The following GLCE variants were observed in gnomAD, a reference collection of about 807,000 sequenced individuals.
GLCE encodes D-glucuronyl C5-epimerase.
GLCE carries 19 observed loss-of-function variants against 47.9 expected under a neutral mutation model. That is an observed-to-expected ratio of 0.40 (90% CI 0.28 to 0.58). GLCE has a LOEUF of 0.58. Ranked by LOEUF, GLCE falls within the 20% of genes least tolerant of loss-of-function variation. GLCE has a pLI of 0.48. For missense variants in GLCE, 556 were observed against 743.3 expected (o/e 0.75, Z 2.93); for synonymous variants, 245 against 263.4 (o/e 0.93, Z 0.68).
At position 69,267,843 on chromosome 15, in the gene GLCE, CT is replaced by C. The variant is rs34922164; in HGVS notation, c.830-363del. 3.0e-3 allele frequency among the ~76,000 whole-genome samples: 421 copies of C among 140,518 alleles called. 8 individuals are homozygous for C. The highest frequency in any genetic ancestry group is 0.01 in the African/African-American group (394 of 37,898). 92.2% of individuals were successfully genotyped at this position (140,518 alleles called of 152,430 possible). A position where few individuals can be genotyped will look rare whatever the true frequency, so the allele number is the denominator to read the frequency against. On this transcript the variant is annotated intron_variant, in intron 4 of 4. Coordinates refer to ENST00000261858, the MANE Select transcript of GLCE (RefSeq NM_015554.3). Reference sequence around the variant, plus strand: ...TATTATGTGCTGAGCCAGGTTTTGGCTTTTTTTTTTTTTTCTGTTTGCAGAA... The same window carrying C: ...TATTATGTGCTGAGCCAGGTTTTGGCTTTTTTTTTTTTTCTGTTTGCAGAA...
chr15:69,243,057 C>CAAAAAA (rs547412078), intron 2 of GLCE, among the ~76,000 whole-genome samples: 2 of 42,314 alleles, frequency 4.7e-5, no homozygotes, highest in African/African-American at 7.6e-5. Flanking sequence ...AGATCCTGTC[C>CAAAAAA]AAAAAAAAAA....
chr15:69,170,171 C>G (rs2051568911), intron 1 of GLCE, among the ~76,000 whole-genome samples: 1 of 151,960 alleles, frequency 6.6e-6, no homozygotes, highest in Admixed American at 6.5e-5. Context: ...AAAACATTTG[C>G]AATTTGATAA....
intron 4 of GLCE, among the ~76,000 whole-genome samples, chr15:69,262,892 G>T (rs2053034137): frequency 6.6e-6 from 1 of 152,048 alleles, no homozygotes; most frequent in Non-Finnish European, 1.5e-5. Flanking sequence ...GAAATGCTTG[G>T]GACTAGAAGT....
intron 2 of GLCE, among the ~76,000 whole-genome samples, chr15:69,252,904 T>C (rs1370818931): frequency 1.3e-5 from 2 of 152,212 alleles, no homozygotes; most frequent in Non-Finnish European, 2.9e-5. Context: ...ATAATGCAGA[T>C]GATGAATTAT....
At chr15:69,223,861 T>G (rs1008542757) in intron 2 of GLCE, among the ~76,000 whole-genome samples, 1 of 152,186 alleles carries the variant, frequency 6.6e-6, no homozygotes, top group Non-Finnish European at 1.5e-5. Context: ...TGAATCTATA[T>G]AGTGAATTTT....
chr15:69,226,047 GACAC>G (rs36218660), intron 2 of GLCE, among the ~76,000 whole-genome samples: 5,000 of 59,552 alleles, frequency 0.084, 289 homozygotes, highest in African/African-American at 0.18. Flanking sequence ...CGCATGCACA[GACAC>G]ACACACACAC....
chr15:69,223,672 T>C (rs2052407114), intron 2 of GLCE, among the ~76,000 whole-genome samples: 1 of 152,184 alleles, frequency 6.6e-6, no homozygotes, highest in Non-Finnish European at 1.5e-5. Context: ...CCTCTTTCTC[T>C]TTTCTCCTCC....
chr15:69,222,171 G>A (rs929889021), intron 2 of GLCE, among the ~76,000 whole-genome samples: 4 of 152,174 alleles, frequency 2.6e-5, no homozygotes, highest in Non-Finnish European at 5.9e-5. Context: ...CTGATTCCTC[G>A]AAGCTGAGCC....
chr15:69,199,608 C>A (rs553530558), intron 1 of GLCE, among the ~76,000 whole-genome samples: 1 of 152,258 alleles, frequency 6.6e-6, no homozygotes, highest in African/African-American at 2.4e-5. Context: ...CTTGTCCAAT[C>A]CTATATTTTT....
intron 2 of GLCE, among the ~76,000 whole-genome samples, chr15:69,218,312 C>A (rs896502743): frequency 2.0e-5 from 3 of 151,870 alleles, no homozygotes; most frequent in African/African-American, 7.3e-5. Flanking sequence ...GAGTTCAAGA[C>A]CAGCCTGGGC....
At chr15:69,253,988 G>C (rs1323125796) in intron 2 of GLCE, among the ~76,000 whole-genome samples, 1 of 152,198 alleles carries the variant, frequency 6.6e-6, no homozygotes, top group Non-Finnish European at 1.5e-5. Flanking sequence ...AGGGTGCAAA[G>C]TTTGCCTTCC....
intron 2 of GLCE, among the ~76,000 whole-genome samples, chr15:69,216,915 G>A (rs762519064): frequency 2.0e-5 from 3 of 152,116 alleles, no homozygotes; most frequent in South Asian, 2.1e-4. Context: ...AAAGCCAAAC[G>A]AAACAATGTT....
chr15:69,242,061 A>G (rs966988064), intron 2 of GLCE, among the ~76,000 whole-genome samples: 7 of 152,206 alleles, frequency 4.6e-5, no homozygotes, highest in African/African-American at 1.4e-4. Context: ...TGTTGCAGAA[A>G]TTAAATGAAG....
intron 2 of GLCE, among the ~76,000 whole-genome samples, chr15:69,236,455 G>T (rs914780126): frequency 2.6e-5 from 4 of 152,084 alleles, no homozygotes; most frequent in Non-Finnish European, 5.9e-5. Flanking sequence ...TTAGCATGTA[G>T]TAGTAGTAGT....
intron 4 of GLCE, among the ~76,000 whole-genome samples, chr15:69,267,908 G>A (rs1199159007): frequency 1.4e-5 from 2 of 145,984 alleles, no homozygotes; most frequent in Non-Finnish European, 3.0e-5. Flanking sequence ...TGATCAGCTA[G>A]TACTAGATTT....
chr15:69,244,249 A>G (rs2052716731), intron 2 of GLCE, among the ~76,000 whole-genome samples: 1 of 152,226 alleles, frequency 6.6e-6, no homozygotes, highest in African/African-American at 2.4e-5. Context: ...AATAAAATAC[A>G]TAACATTCAC....
intron 2 of GLCE, 73 bp from the exon 3 acceptor site, chr15:69,255,720 AG>A: frequency 5.8e-6 from 5 of 865,810 alleles, no homozygotes; most frequent in Admixed American, 2.6e-5. Context: ...AAAAAAAAAA[AG>A]CAAAGAAAAC....
intron 2 of GLCE, among the ~76,000 whole-genome samples, chr15:69,248,876 A>T (rs1415455312): frequency 6.6e-6 from 1 of 152,280 alleles, no homozygotes; most frequent in East Asian, 1.9e-4. Flanking sequence ...AAGTGCTGGG[A>T]TTACAGGCAT....
chr15:69,184,665 TG>T (rs1467361623), intron 1 of GLCE, among the ~76,000 whole-genome samples: 1 of 152,216 alleles, frequency 6.6e-6, no homozygotes, highest in Non-Finnish European at 1.5e-5. Context: ...TTAATGTAAC[TG>T]GAAGTCCAGA....
Sources: allele counts gnomAD v4.1 joint callset (sites outside exome capture counted in the v4.1 genomes callset), GRCh38; gene constraint gnomAD v4.1.1; transcripts MANE v1.5; gene names NCBI Gene and HGNC (gene_info 2026-07-23, HGNC 2026-07-21).